SORCS3: variants seen among roughly 807,000 people sequenced by gnomAD.
SORCS3 encodes VPS10 domain-containing receptor SorCS3.
Under a neutral mutation model 146.3 loss-of-function variants are expected in SORCS3, and 57 were observed. That is an observed-to-expected ratio of 0.39 (90% confidence interval 0.31 to 0.49). The LOEUF (loss-of-function observed/expected upper bound fraction) is 0.49. Ranked by LOEUF, SORCS3 falls within the 20% of genes least tolerant of loss-of-function variation. The probability of loss-of-function intolerance (pLI) is 0.92; values close to 1 mark genes in which losing one functional copy is unlikely to be tolerated. For synonymous variants in SORCS3, 653 were observed against 618.5 expected, an observed-to-expected ratio of 1.06 and a Z score of -0.83; for missense variants, 1,341 against 1,575.5, an observed-to-expected ratio of 0.85 and a Z score of 2.52.
At chr10:104,999,061 G>C (rs751339756) in intron 4 of SORCS3, among the ~76,000 whole-genome samples, 3 of 152,156 alleles carry the variant, frequency 2.0e-5, no homozygotes, top group Non-Finnish European at 4.4e-5. Context: ...CGTATTACTG[G>C]TGTAGATGCA....
At chr10:104,880,902 T>C (rs2018623817) in intron 2 of SORCS3, among the ~76,000 whole-genome samples, 2 of 152,186 alleles carry the variant, frequency 1.3e-5, no homozygotes, top group Admixed American at 1.3e-4. Context: ...AACTGTGTGT[T>C]TGTCACTCTG....
At chr10:104,709,549 T>C (rs1471467788) in intron 1 of SORCS3, among the ~76,000 whole-genome samples, 33 of 152,240 alleles carry the variant, frequency 2.2e-4, no homozygotes, top group Admixed American at 2.2e-3. Flanking sequence ...CCTACTCTGC[T>C]TTATGTACAA....
chr10:104,707,004 G>A (rs2016345013), intron 1 of SORCS3, among the ~76,000 whole-genome samples: 1 of 152,130 alleles, frequency 6.6e-6, no homozygotes, highest in African/African-American at 2.4e-5. Flanking sequence ...TATTGGAGTG[G>A]GGGTTGCTTA....
intron 1 of SORCS3, among the ~76,000 whole-genome samples, chr10:104,680,526 C>T (rs886470649): frequency 6.6e-6 from 1 of 152,210 alleles, no homozygotes. Context: ...CAAATCCCAG[C>T]GCTGCCACTT....
At chr10:104,846,290 C>G (rs2018203389) in intron 2 of SORCS3, among the ~76,000 whole-genome samples, 1 of 152,172 alleles carries the variant, frequency 6.6e-6, no homozygotes. Context: ...AGATCTGTAT[C>G]TCCCGTTCTC....
At chr10:105,214,374 A>G in intron 17 of SORCS3, 68 bp from the exon 18 acceptor site, 1 of 1,563,708 alleles carries the variant, frequency 6.4e-7, no homozygotes, top group Non-Finnish European at 8.8e-7. Context: ...TAACACACAC[A>G]CACACACATA....
intron 1 of SORCS3, among the ~76,000 whole-genome samples, chr10:104,780,048 C>T (rs945157083): frequency 2.7e-5 from 4 of 148,878 alleles, no homozygotes; most frequent in Non-Finnish European, 1.5e-5. Flanking sequence ...GGTGGGGCAG[C>T]GGGGCAGGAG....
At chr10:105,078,169 A>C (rs1038687015) in intron 5 of SORCS3, among the ~76,000 whole-genome samples, 14 of 152,230 alleles carry the variant, frequency 9.2e-5, no homozygotes, top group Non-Finnish European at 2.9e-5. Flanking sequence ...AGATTAATTA[A>C]ATGAATGAAA....
intron 4 of SORCS3, among the ~76,000 whole-genome samples, chr10:104,989,665 G>T (rs975554641): frequency 1.3e-5 from 2 of 152,174 alleles, no homozygotes; most frequent in South Asian, 2.1e-4. Context: ...CAAGTGGGAT[G>T]GGGGAGGAAA....
intron 9 of SORCS3, among the ~76,000 whole-genome samples, chr10:105,154,695 T>C (rs535320653): frequency 6.6e-6 from 1 of 152,352 alleles, no homozygotes; most frequent in African/African-American, 2.4e-5. Flanking sequence ...TTCCTTTACA[T>C]TGCATTTAGT....
intron 2 of SORCS3, among the ~76,000 whole-genome samples, chr10:104,906,402 C>G (rs2133593596): frequency 6.6e-6 from 1 of 152,312 alleles, no homozygotes; most frequent in Non-Finnish European, 1.5e-5. Context: ...AGCCTGTCCA[C>G]TGGGGGTTAT....
intron 3 of SORCS3, among the ~76,000 whole-genome samples, chr10:104,963,372 G>C (rs1455772607): frequency 1.3e-5 from 2 of 152,048 alleles, no homozygotes; most frequent in African/African-American, 4.8e-5. Flanking sequence ...CCAATTCTCA[G>C]TACTCTTTAT....
intron 1 of SORCS3, among the ~76,000 whole-genome samples, chr10:104,785,471 GA>G: frequency 7.0e-6 from 1 of 142,214 alleles, no homozygotes; most frequent in Admixed American, 7.1e-5. Flanking sequence ...CTCTGCCTAG[GA>G]AAACCAGAGA....
intron 1 of SORCS3, among the ~76,000 whole-genome samples, chr10:104,800,036 G>T (rs928100526): frequency 8.6e-5 from 13 of 152,040 alleles, no homozygotes; most frequent in African/African-American, 3.1e-4. Flanking sequence ...AAATTACATG[G>T]ATGTTAATAA....
chr10:104,861,030 TC>T (rs1240334762), intron 2 of SORCS3, among the ~76,000 whole-genome samples: 2 of 152,174 alleles, frequency 1.3e-5, no homozygotes, highest in African/African-American at 4.8e-5. Flanking sequence ...CCAAGACTCT[TC>T]CAAATGCACT....
In SORCS3 at chr10:104,658,413, G is replaced by C. The variant is rs192093309; in HGVS notation, c.627+16459G>C. ...ATGAAATTGGTAGGTGTTTAGGCAT[G>C]TGTGATGAAACAGCACAAGTCTCCT... On this transcript the variant is annotated intron_variant, in intron 1 of 26. Coordinates refer to ENST00000369701, the MANE Select transcript of SORCS3 (RefSeq NM_014978.3). Among the ~76,000 whole-genome samples the C allele has an allele frequency of 1.3e-5, 2 of 152,348 alleles. 1 individual carries two copies. The highest frequency in any genetic ancestry group is 1.3e-4 in the Admixed American group (2 of 15,298).
intron 9 of SORCS3, among the ~76,000 whole-genome samples, 177 bp downstream of exon 9, chr10:105,147,973 A>G (rs2056143776): frequency 6.6e-6 from 1 of 152,054 alleles, no homozygotes; most frequent in African/African-American, 2.4e-5. Flanking sequence ...GAGATAAAAT[A>G]TTTACCAAGG....
intron 1 of SORCS3, among the ~76,000 whole-genome samples, chr10:104,793,741 G>A (rs1020633625): frequency 6.6e-6 from 1 of 152,210 alleles, no homozygotes; most frequent in Non-Finnish European, 1.5e-5. Flanking sequence ...AGAAGAATGA[G>A]TATAATTTTG....
At chr10:104,796,989 T>G (rs889613498) in intron 1 of SORCS3, among the ~76,000 whole-genome samples, 18 of 152,214 alleles carry the variant, frequency 1.2e-4, no homozygotes, top group Admixed American at 6.5e-5. Flanking sequence ...CTCTGACACT[T>G]TGAGTGTTCA....
Sources: gnomAD v4.1 joint callset for allele counts (sites outside exome capture counted in the v4.1 genomes callset) on GRCh38, gnomAD v4.1.1 for gene constraint, MANE v1.5 for transcripts, NCBI Gene and HGNC (gene_info 2026-07-23, HGNC 2026-07-21) for gene names.